Variants in DOCK10 observed in about 807,000 individuals in gnomAD.
DOCK10 encodes dedicator of cytokinesis protein 10.
Under a neutral mutation model 280.1 loss-of-function variants are expected in DOCK10, and 145 were observed. That is an observed-to-expected ratio of 0.52 (90% CI 0.45 to 0.59). The LOEUF (loss-of-function observed/expected upper bound fraction) is 0.59. Ranked by LOEUF, DOCK10 falls within the 20% of genes least tolerant of loss-of-function variation. The probability of loss-of-function intolerance (pLI) is 0.00; values close to 1 mark genes in which losing one functional copy is unlikely to be tolerated. For missense variants in DOCK10, 2,368 were observed against 2,651.7 expected (o/e 0.89, Z 2.35); for synonymous variants, 915 against 942.2 (o/e 0.97, Z 0.53).
At chr2:224,775,606 G>A (rs2004141) in intron 51 of DOCK10, among the ~76,000 whole-genome samples, 68,857 of 151,864 alleles carry the variant, frequency 0.45, 16,542 homozygotes, top group Middle Eastern at 0.63. Flanking sequence ...TTCTCTAGTA[G>A]CTGAGATTAC....
At chr2:224,950,362 T>C (rs6711462) in intron 1 of DOCK10, among the ~76,000 whole-genome samples, 110,303 of 151,908 alleles carry the variant, frequency 0.73, 41,354 homozygotes, top group African/African-American at 0.93. Flanking sequence ...CCTATTTAAA[T>C]CATCCAACAA....
At chr2:225,004,042 C>T (rs191860811) in intron 1 of DOCK10, among the ~76,000 whole-genome samples, 195 of 152,272 alleles carry the variant, frequency 1.3e-3, no homozygotes, top group Non-Finnish European at 2.2e-3. Context: ...TTTCTCGTTT[C>T]GTTTTGTCTG....
intron 1 of DOCK10, among the ~76,000 whole-genome samples, chr2:224,985,973 C>T (rs981853263): frequency 7.9e-5 from 12 of 152,072 alleles, no homozygotes; most frequent in African/African-American, 2.7e-4. Flanking sequence ...ATGTAAGAGC[C>T]GTGTGTCTAA....
At chr2:224,887,768 A>G (rs1699395782) in intron 4 of DOCK10, among the ~76,000 whole-genome samples, 1 of 152,240 alleles carries the variant, frequency 6.6e-6, no homozygotes, top group Admixed American at 6.5e-5. Context: ...CATAACTATC[A>G]TCTCAATAGT....
chr2:224,889,008 A>G (rs1003823786), intron 4 of DOCK10, among the ~76,000 whole-genome samples: 1 of 152,218 alleles, frequency 6.6e-6, no homozygotes, highest in Non-Finnish European at 1.5e-5. Flanking sequence ...GACGTGGAGA[A>G]AAAAATTGTA....
intron 1 of DOCK10, among the ~76,000 whole-genome samples, chr2:225,006,218 G>C (rs999833524): frequency 1.3e-5 from 2 of 152,238 alleles, no homozygotes; most frequent in East Asian, 1.9e-4. Context: ...CTTAGTTTGA[G>C]TGGCATGGGT....
Position 225,042,144 on chromosome 2 carries a change from C to G in DOCK10, c.123+108G>C, listed in dbSNP as rs376397406. 925 of 1,165,572 alleles carry G rather than the reference C, an allele frequency of 7.9e-4. 7 individuals carry two copies. In the East Asian group the frequency reaches 0.024, roughly 31 times the overall value. The allele number at this position is 1,165,572 out of a possible 1,614,324, so 72.2% of individuals were successfully genotyped here. A position where few individuals can be genotyped will look rare whatever the true frequency, so the allele number is the denominator to read the frequency against. ...GGGGAGGGAGTGCGGAGGAGAGGAC[C>G]CGTGAGCTGCGGGGACCTGGGCCCG... On this transcript the variant is annotated intron_variant, in intron 1 of 55. Coordinates refer to ENST00000258390, the MANE Select transcript of DOCK10 (RefSeq NM_014689.3). This position sits in a 1 kb window ranked among gnomAD's most constrained non-coding sequence, Gnocchi z 5.1.
intron 15 of DOCK10, among the ~76,000 whole-genome samples, chr2:224,856,491 C>T (rs544244185): frequency 6.6e-6 from 1 of 152,276 alleles, no homozygotes; most frequent in African/African-American, 2.4e-5. Context: ...GATCCTCTGA[C>T]CCCAGCTGAT....
At chr2:225,002,947 C>A (rs764020862) in intron 1 of DOCK10, among the ~76,000 whole-genome samples, 7 of 152,206 alleles carry the variant, frequency 4.6e-5, no homozygotes, top group Non-Finnish European at 8.8e-5. Flanking sequence ...TGTCTTGGGG[C>A]AGACAGCAAG....
At chr2:224,929,116 TTACCCTACTC>T (rs1168661411) in intron 2 of DOCK10, among the ~76,000 whole-genome samples, 1 of 152,234 alleles carries the variant, frequency 6.6e-6, no homozygotes, top group Non-Finnish European at 1.5e-5. Context: ...AACACAGCTC[TTACCCTACTC>T]AGATTCTATC....
chr2:224,863,032 A>T (rs947420350), intron 13 of DOCK10, among the ~76,000 whole-genome samples: 2 of 152,198 alleles, frequency 1.3e-5, no homozygotes, highest in African/African-American at 2.4e-5. Flanking sequence ...AGATTTTAAA[A>T]TCTTGAATGG....
chr2:224,999,015 C>T (rs554784850), intron 1 of DOCK10, among the ~76,000 whole-genome samples: 2 of 152,046 alleles, frequency 1.3e-5, no homozygotes, highest in Non-Finnish European at 2.9e-5. Context: ...GGTGAAACCT[C>T]GGCTCTACTA....
Position 224,765,597 on chromosome 2 carries a change from C to T in DOCK10, c.*124G>A, listed in dbSNP as rs147754208. ...GAGGTTGGCAAAATTCTGAAGCTAG[C>T]GAGGTAAACAAAAATATTAACACCA... On this transcript the variant is annotated 3_prime_UTR_variant, in exon 56 of 56. Transcript: ENST00000258390. 1.2e-4 allele frequency: 76 copies of T among 637,964 alleles called. No individual in the cohort carries two copies. Among genetic ancestry groups the T allele is most frequent in the African/African-American group, 1.1e-3 (57 of 53,230 alleles). The allele number at this position is 637,964 out of a possible 1,614,324, so 39.5% of individuals were successfully genotyped here. A position where few individuals can be genotyped will look rare whatever the true frequency, so the allele number is the denominator to read the frequency against.
At chr2:224,983,983 T>C (rs1362558023) in intron 1 of DOCK10, among the ~76,000 whole-genome samples, 1 of 152,140 alleles carries the variant, frequency 6.6e-6, no homozygotes, top group Admixed American at 6.5e-5. Flanking sequence ...GTATTGAATA[T>C]CTATATCTAA....
intron 1 of DOCK10, among the ~76,000 whole-genome samples, chr2:225,022,677 G>T (rs1303160404): frequency 6.6e-6 from 1 of 152,180 alleles, no homozygotes; most frequent in East Asian, 1.9e-4. Flanking sequence ...TTCAGGCAGG[G>T]TGTTCAATAC....
intron 46 of DOCK10, 21 bp downstream of exon 46, chr2:224,793,379 T>A: frequency 6.2e-7 from 1 of 1,602,852 alleles, no homozygotes; most frequent in Non-Finnish European, 8.5e-7. Flanking sequence ...GCTTTTTGCC[T>A]CCCTCATGTG....
At position 224,765,118 on chromosome 2, in the gene DOCK10, T is replaced by C. The variant is rs1426514225; in HGVS notation, c.*603A>G. 6.5e-6 allele frequency: 1 copy of C among 152,674 alleles called. No individual in the cohort carries two copies. Among genetic ancestry groups the C allele is most frequent in the Non-Finnish European group, 1.5e-5 (1 of 68,048 alleles). The allele number at this position is 152,674 out of a possible 1,614,324, so 9.5% of individuals were successfully genotyped here. A position where few individuals can be genotyped will look rare whatever the true frequency, so the allele number is the denominator to read the frequency against. ...AAAGTAACTGTGTTTTTTATTTCTA[T>C]GAACAATAAAATACTTTCATAATTT... On this transcript the variant is annotated 3_prime_UTR_variant, in exon 56 of 56. Transcript: ENST00000258390.
intron 1 of DOCK10, among the ~76,000 whole-genome samples, chr2:224,943,137 A>T (rs1023942333): frequency 1.3e-5 from 2 of 152,188 alleles, no homozygotes; most frequent in Non-Finnish European, 2.9e-5. Flanking sequence ...ACATTTCAAA[A>T]ATTAAGGGAA....
At chr2:224,850,926 C>T (rs1696687762) in intron 18 of DOCK10, among the ~76,000 whole-genome samples, 1 of 152,162 alleles carries the variant, frequency 6.6e-6, no homozygotes, top group Non-Finnish European at 1.5e-5. Context: ...ATTACCCAGT[C>T]TCGGGTAGTA....
Sources: allele counts gnomAD v4.1 joint callset (sites outside exome capture counted in the v4.1 genomes callset), GRCh38; gene constraint gnomAD v4.1.1; non-coding constraint Gnocchi (gnomAD v3.1); transcripts MANE v1.5; gene names NCBI Gene and HGNC (gene_info 2026-07-23, HGNC 2026-07-21).